OLFM3: variants seen among roughly 807,000 people sequenced by gnomAD.
The protein encoded by OLFM3 is olfactomedin 3, also known as noelin-3.
OLFM3 carries 20 observed loss-of-function variants against 48.6 expected under a neutral mutation model. The ratio of observed to expected loss-of-function variants is 0.41; its 90% CI spans 0.29 to 0.60. OLFM3 has a LOEUF of 0.60. Among genes scored for constraint, OLFM3 ranks in the 20% least tolerant of loss-of-function variants. The pLI, the probability that OLFM3 is intolerant of heterozygous loss-of-function variation, is 0.28. For missense variants in OLFM3, 437 were observed against 544.3 expected (o/e 0.80, Z 1.96); for synonymous variants, 222 against 198.1 (o/e 1.12, Z -1.01).
intron 2 of OLFM3, 45 bp downstream of exon 2, chr1:101,836,834 G>A (rs774341899): frequency 1.3e-6 from 2 of 1,583,218 alleles, no homozygotes; most frequent in African/African-American, 1.3e-5. Context: ...TTGAAAGAAT[G>A]GTCGATTTTA....
intron 1 of OLFM3, among the ~76,000 whole-genome samples, chr1:101,894,934 T>C (rs1658142618): frequency 6.6e-6 from 1 of 152,062 alleles, no homozygotes; most frequent in South Asian, 2.1e-4. Flanking sequence ...ACCTGAGAGA[T>C]TTCTTTGGTT....
Position 101,804,656 on chromosome 1 carries a change from G to A in OLFM3, c.959C>T (p.Thr320Ile). ...YAGFHNVYPY[T>I]WGGFSDIDLM... ...GTCGATGTCAGAGAATCCACCCCAT[G>A]TGTAGGGGTAAACATTATGAAAACC... is the stretch of plus-strand genomic sequence containing the variant. Residue 320 changes from threonine to isoleucine, a missense_variant, in exon 6 of 6, where the codon ACA becomes ATA. Physicochemically the swap from Thr to Ile is moderately conservative, Grantham distance 89. Transcript: ENST00000370103. The surrounding 1 kb of genome is among the most constrained non-coding windows in gnomAD (Gnocchi z 4.5). 1 of 1,612,534 alleles carries A rather than the reference G, an allele frequency of 6.2e-7. No individual in the cohort carries two copies. Among genetic ancestry groups the A allele is most frequent in the African/African-American group, 1.3e-5 (1 of 74,894 alleles).
chr1:101,831,851 A>C (rs1223299541), intron 2 of OLFM3, among the ~76,000 whole-genome samples: 4 of 152,234 alleles, frequency 2.6e-5, no homozygotes, highest in Non-Finnish European at 4.4e-5. Context: ...TTCAATGAGA[A>C]AAGCAAATGT....
intron 1 of OLFM3, among the ~76,000 whole-genome samples, chr1:101,905,099 A>C (rs758025916): frequency 6.6e-6 from 1 of 152,154 alleles, no homozygotes; most frequent in Non-Finnish European, 1.5e-5. Context: ...TCATCAGAAC[A>C]TATATTTTGT....
intron 2 of OLFM3, among the ~76,000 whole-genome samples, chr1:101,836,404 G>A (rs1655410023): frequency 6.6e-6 from 1 of 152,284 alleles, no homozygotes; most frequent in Middle Eastern, 3.4e-3. Flanking sequence ...AGAGCTTAAT[G>A]TTAAAAGGAA....
chr1:101,876,800 A>G (rs1026835470), intron 1 of OLFM3, among the ~76,000 whole-genome samples: 1 of 151,952 alleles, frequency 6.6e-6, no homozygotes, highest in African/African-American at 2.4e-5. Context: ...CCAGGGTTTT[A>G]GTATAGGTTG....
At chr1:101,879,323 A>T (rs1657425685) in intron 1 of OLFM3, among the ~76,000 whole-genome samples, 1 of 151,986 alleles carries the variant, frequency 6.6e-6, no homozygotes, top group African/African-American at 2.4e-5. Context: ...ATGTATTTAT[A>T]GTTCTTCTTA....
chr1:101,912,527 G>A (rs1419140783), intron 1 of OLFM3, among the ~76,000 whole-genome samples: 8 of 152,154 alleles, frequency 5.3e-5, no homozygotes, highest in East Asian at 1.9e-4. Flanking sequence ...CAAAAGTCAC[G>A]CAATTTTTTA....
intron 4 of OLFM3, among the ~76,000 whole-genome samples, chr1:101,806,849 T>G (rs12074043): frequency 1.1e-4 from 17 of 151,674 alleles, no homozygotes; most frequent in Admixed American, 6.6e-4. Context: ...AGATGAAAGA[T>G]GAAGAGATGT....
intron 2 of OLFM3, among the ~76,000 whole-genome samples, chr1:101,835,203 A>G (rs1406808900): frequency 6.6e-6 from 1 of 152,254 alleles, no homozygotes; most frequent in Admixed American, 6.5e-5. Flanking sequence ...ATTTAACAGG[A>G]AAGCAAAATT....
chr1:101,956,038 T>C (rs1055906833), intron 1 of OLFM3, among the ~76,000 whole-genome samples: 1 of 151,214 alleles, frequency 6.6e-6, no homozygotes, highest in Non-Finnish European at 1.5e-5. Context: ...AGTTTTACTT[T>C]ATGATTTTTT....
At chr1:101,925,324 C>T (rs112526747) in intron 1 of OLFM3, among the ~76,000 whole-genome samples, 14 of 150,928 alleles carry the variant, frequency 9.3e-5, no homozygotes, top group African/African-American at 1.9e-4. Flanking sequence ...ATTACATTGG[C>T]GTTTTTTTTA....
chr1:101,976,686 C>T (rs1356755261), intron 1 of OLFM3, among the ~76,000 whole-genome samples: 1 of 152,124 alleles, frequency 6.6e-6, no homozygotes, highest in Non-Finnish European at 1.5e-5. Flanking sequence ...GATTCTACTG[C>T]TAATAAGTAG....
chr1:101,920,350 C>T (rs573382701), intron 1 of OLFM3, among the ~76,000 whole-genome samples: 1 of 152,270 alleles, frequency 6.6e-6, no homozygotes, highest in South Asian at 2.1e-4. Flanking sequence ...CACAGGTTTT[C>T]ACATGCTCTA....
chr1:101,989,722 A>G (rs1018950280), intron 1 of OLFM3, among the ~76,000 whole-genome samples: 8 of 119,860 alleles, frequency 6.7e-5, no homozygotes, highest in Non-Finnish European at 1.6e-4. Flanking sequence ...TTGAGGGTCA[A>G]GGTCTTTTGA....
At position 101,963,052 on chromosome 1, in the gene OLFM3, T is replaced by C. The variant is rs571778790; in HGVS notation, c.69+33696A>G. Among the ~76,000 whole-genome samples the C allele has an allele frequency of 9.8e-5, 15 of 152,356 alleles. 1 individual carries two copies. The highest frequency in any genetic ancestry group is 7.7e-4 in the East Asian group (4 of 5,184). ...TTTCCTACAGTTCAGTTGATACTAG[T>C]AGATGCACCATGTGCAGAATGGAGC... On this transcript the variant is annotated intron_variant, in intron 1 of 5. Transcript: ENST00000370103.
At chr1:101,967,000 C>A (rs927221481) in intron 1 of OLFM3, among the ~76,000 whole-genome samples, 2 of 152,068 alleles carry the variant, frequency 1.3e-5, no homozygotes, top group African/African-American at 4.8e-5. Context: ...CATTTTATTT[C>A]TCTACTTCTC....
intron 1 of OLFM3, among the ~76,000 whole-genome samples, chr1:101,911,843 T>TA (rs1265607460): frequency 1.3e-5 from 2 of 152,224 alleles, no homozygotes; most frequent in African/African-American, 4.8e-5. Flanking sequence ...ACCTTAAACT[T>TA]ACAAGATTGC....
chr1:101,879,255 T>C (rs941586428), intron 1 of OLFM3, among the ~76,000 whole-genome samples: 2 of 151,886 alleles, frequency 1.3e-5, no homozygotes. Flanking sequence ...GATGTCTGTA[T>C]GGCATTATTT....
Sources: allele counts gnomAD v4.1 joint callset (sites outside exome capture counted in the v4.1 genomes callset), GRCh38; gene constraint gnomAD v4.1.1; non-coding constraint Gnocchi (gnomAD v3.1); transcripts MANE v1.5; gene names NCBI Gene and HGNC (gene_info 2026-07-23, HGNC 2026-07-21).